The following B3GALT1 variants were observed in gnomAD, a reference collection of about 807,000 sequenced individuals.
B3GALT1 encodes the protein UDP-Gal:betaGlcNAc beta 1,3-galactosyltransferase, polypeptide 1.
B3GALT1 carries 10 observed loss-of-function variants against 23.2 expected under a neutral mutation model. The ratio of observed to expected loss-of-function variants is 0.43; its 90% confidence interval spans 0.27 to 0.73. The LOEUF (loss-of-function observed/expected upper bound fraction) is 0.73, where lower values mean the gene tolerates loss of function less well. Ranked by LOEUF, B3GALT1 falls within the 30% of genes least tolerant of loss-of-function variation. The pLI is 0.21. For synonymous variants in B3GALT1, 156 were observed against 141.5 expected (o/e 1.10, Z -0.73); for missense variants, 299 against 405.4 (o/e 0.74, Z 2.25).
At chr2:167,866,574 A>G (rs1402183575) in intron 4 of B3GALT1, among the ~76,000 whole-genome samples, 1 of 152,238 alleles carries the variant, frequency 6.6e-6, no homozygotes, top group Non-Finnish European at 1.5e-5. Context: ...GAGGATAATA[A>G]CTTGTGAAAT....
intron 2 of B3GALT1, among the ~76,000 whole-genome samples, chr2:167,550,824 G>C (rs1249104217): frequency 6.6e-6 from 1 of 152,196 alleles, no homozygotes; most frequent in Admixed American, 6.5e-5. Flanking sequence ...AGAGGCTTGA[G>C]CACGTGCATT....
intron 2 of B3GALT1, among the ~76,000 whole-genome samples, chr2:167,618,399 T>C (rs1262997905): frequency 1.3e-5 from 2 of 152,060 alleles, no homozygotes; most frequent in Non-Finnish European, 2.9e-5. Flanking sequence ...ATTAGATATG[T>C]GTATGTATAA....
intron 1 of B3GALT1, among the ~76,000 whole-genome samples, chr2:167,349,688 G>A (rs1559072044): frequency 6.6e-6 from 1 of 152,150 alleles, no homozygotes; most frequent in Non-Finnish European, 1.5e-5. Flanking sequence ...AAATTTGTCG[G>A]TGGAAGACAT....
At chr2:167,855,411 T>C (rs1304344875) in intron 4 of B3GALT1, among the ~76,000 whole-genome samples, 1 of 151,888 alleles carries the variant, frequency 6.6e-6, no homozygotes. Context: ...TTCTCTTCTG[T>C]AAAATGGGAA....
At chr2:167,484,064 A>G (rs1371186714) in intron 1 of B3GALT1, among the ~76,000 whole-genome samples, 8 of 152,214 alleles carry the variant, frequency 5.3e-5, no homozygotes, top group Admixed American at 4.6e-4. Context: ...TACTTCAGAT[A>G]TAAACATAAG....
intron 3 of B3GALT1, among the ~76,000 whole-genome samples, chr2:167,666,257 G>A (rs534091970): frequency 3.3e-5 from 5 of 152,306 alleles, no homozygotes; most frequent in African/African-American, 1.2e-4. Context: ...TAGTTGAGCG[G>A]TTTTGAGTGA....
At chr2:167,654,126 GGCATA>G (rs1204533188) in intron 3 of B3GALT1, among the ~76,000 whole-genome samples, 1 of 152,014 alleles carries the variant, frequency 6.6e-6, no homozygotes, top group African/African-American at 2.4e-5. Flanking sequence ...TTACACCTTG[GGCATA>G]TCACTTTTTG....
At chr2:167,577,172 G>A (rs371669173) in intron 2 of B3GALT1, among the ~76,000 whole-genome samples, 18 of 151,892 alleles carry the variant, frequency 1.2e-4, no homozygotes, top group African/African-American at 4.3e-4. Flanking sequence ...ACCTCAAGGA[G>A]CAATTATGAA....
intron 2 of B3GALT1, among the ~76,000 whole-genome samples, chr2:167,640,294 C>T (rs1685627818): frequency 6.6e-6 from 1 of 152,050 alleles, no homozygotes; most frequent in Non-Finnish European, 1.5e-5. Flanking sequence ...CATTGTTCAC[C>T]TTAACAGTAG....
chr2:167,763,553 A>G (rs1366134913), intron 3 of B3GALT1, among the ~76,000 whole-genome samples: 1 of 151,942 alleles, frequency 6.6e-6, no homozygotes, highest in African/African-American at 2.4e-5. Context: ...GTAGCCAGGT[A>G]TGGTGGCACG....
intron 1 of B3GALT1, among the ~76,000 whole-genome samples, chr2:167,424,292 A>T (rs779743782): frequency 6.6e-6 from 1 of 152,186 alleles, no homozygotes; most frequent in Non-Finnish European, 1.5e-5. Context: ...GATAACTCTC[A>T]TGCTACAAAA....
chr2:167,826,739 GAAAC>G (rs1438146380), intron 4 of B3GALT1, among the ~76,000 whole-genome samples: 2 of 152,010 alleles, frequency 1.3e-5, no homozygotes, highest in Non-Finnish European at 2.9e-5. Context: ...TTGTAAAAGA[GAAAC>G]AATAAAACAT....
intron 3 of B3GALT1, among the ~76,000 whole-genome samples, chr2:167,718,100 A>G (rs1687179069): frequency 6.6e-6 from 1 of 152,166 alleles, no homozygotes; most frequent in African/African-American, 2.4e-5. Flanking sequence ...ATTTGTTTGG[A>G]TTATAGAGTA....
chr2:167,766,829 G>A (rs913677457), intron 3 of B3GALT1, among the ~76,000 whole-genome samples: 6 of 152,142 alleles, frequency 3.9e-5, no homozygotes, highest in Non-Finnish European at 5.9e-5. Context: ...ATAAACAGGC[G>A]TGATCACTCT....
At chr2:167,544,977 C>G (rs1683604187) in intron 2 of B3GALT1, among the ~76,000 whole-genome samples, 1 of 147,764 alleles carries the variant, frequency 6.8e-6, no homozygotes, top group South Asian at 2.2e-4. Context: ...AGTAAAGCTT[C>G]CATGTGGTGG....
rs186370628 is a variant in B3GALT1 at position 167,742,723 on chromosome 2, A to C, written c.-351-75949A>C. 2.6e-5 allele frequency among the ~76,000 whole-genome samples: 4 copies of C among 152,262 alleles called. No individual in the cohort carries two copies. The East Asian group carries it at 7.7e-4, about 29-fold the overall frequency. On this transcript the variant is annotated intron_variant, in intron 3 of 4. Transcript: ENST00000392690. ...TAATTCTGTTTTTCAGATTTTTATT[A>C]TATAGTATTTGAACATTCAGAAATC...
At chr2:167,541,927 G>A (rs1488355400) in intron 2 of B3GALT1, among the ~76,000 whole-genome samples, 1 of 152,068 alleles carries the variant, frequency 6.6e-6, no homozygotes, top group Non-Finnish European at 1.5e-5. Flanking sequence ...GCTGCTATTT[G>A]ATGAGTGAGT....
chr2:167,337,236 G>C (rs539588815), intron 1 of B3GALT1, among the ~76,000 whole-genome samples: 1 of 152,174 alleles, frequency 6.6e-6, no homozygotes, highest in East Asian at 1.9e-4. Flanking sequence ...CTATAATGCA[G>C]GTACTTACTA....
chr2:167,827,912 C>G (rs1689261544), intron 4 of B3GALT1, among the ~76,000 whole-genome samples: 1 of 152,088 alleles, frequency 6.6e-6, no homozygotes, highest in South Asian at 2.1e-4. Flanking sequence ...AGAGGGCTCT[C>G]GAAGCACAGC....
Sources: gnomAD v4.1 joint callset for allele counts (sites outside exome capture counted in the v4.1 genomes callset) on GRCh38, gnomAD v4.1.1 for gene constraint, MANE v1.5 for transcripts, NCBI Gene and HGNC (gene_info 2026-07-23, HGNC 2026-07-21) for gene names.